POLN: variants seen among roughly 807,000 people sequenced by gnomAD.
The protein encoded by POLN is DNA polymerase N.
Under a neutral mutation model 113.5 loss-of-function variants are expected in POLN, and 108 were observed. The ratio of observed to expected loss-of-function variants is 0.95; its 90% CI spans 0.81 to 1.12. POLN has a LOEUF of 1.12. POLN is among the 50% of genes most tolerant of loss of function. The pLI, the probability that POLN is intolerant of heterozygous loss-of-function variation, is 0.00. For missense variants in POLN, 1,097 were observed against 1,077.1 expected, an observed-to-expected ratio of 1.02 and a Z score of -0.26; for synonymous variants, 386 against 391.5, an observed-to-expected ratio of 0.99 and a Z score of 0.17.
chr4:2,130,008 C>T (rs1337122059), intron 17 of POLN, among the ~76,000 whole-genome samples: 1 of 151,782 alleles, frequency 6.6e-6, no homozygotes, highest in African/African-American at 2.4e-5. Flanking sequence ...AATCCCAGCA[C>T]TTTGAGAGGC....
intron 20 of POLN, among the ~76,000 whole-genome samples, chr4:2,092,841 G>A (rs1730700002): frequency 6.6e-6 from 1 of 152,368 alleles, no homozygotes; most frequent in Middle Eastern, 3.4e-3. Flanking sequence ...CTGGCAAGTT[G>A]ACTGGCTTCC....
intron 3 of POLN, among the ~76,000 whole-genome samples, chr4:2,223,734 A>G (rs994530348): frequency 6.6e-6 from 1 of 152,234 alleles, no homozygotes; most frequent in African/African-American, 2.4e-5. Flanking sequence ...CTGTAACACA[A>G]CAGTAAGTAT....
Position 2,126,742 on chromosome 4 carries a change from G to A in POLN, c.1982+1371C>T, listed in dbSNP as rs1222219452. ...GATGAGGTAGGGGAGGGAGACACAC[G>A]GACATTCGGGGAAAGAGCTTCCTGA... On this transcript the variant is annotated intron_variant, in intron 19 of 25. Transcript: ENST00000511885. The surrounding 1 kb of genome is among the most constrained non-coding windows in gnomAD (Gnocchi z 4.6). Among the ~76,000 whole-genome samples, 3 of 152,128 alleles carry A rather than the reference G, an allele frequency of 2.0e-5. No homozygotes were observed. The highest frequency in any genetic ancestry group is 6.5e-5 in the Admixed American group (1 of 15,274).
At chr4:2,238,611 T>C (rs753727155) in intron 2 of POLN, 3 of 1,579,026 alleles carry the variant, frequency 1.9e-6, no homozygotes, top group South Asian at 2.3e-5. Context: ...TACCTATGAG[T>C]AGAATAATCC....
At chr4:2,225,700 T>TA (rs909310951) in intron 3 of POLN, among the ~76,000 whole-genome samples, 6 of 149,960 alleles carry the variant, frequency 4.0e-5, no homozygotes, top group African/African-American at 9.8e-5. Flanking sequence ...TTTATAATAC[T>TA]AAAAAAAAAT....
At chr4:2,233,424 G>T (rs141077701) in intron 2 of POLN, among the ~76,000 whole-genome samples, 2 of 144,766 alleles carry the variant, frequency 1.4e-5, no homozygotes, top group Non-Finnish European at 3.0e-5. Flanking sequence ...ATATTTTAGT[G>T]ATTCTTGGAT....
rs184431090 is a variant in POLN, at chr4:2,237,402, C to T, written c.-13+4118G>A. ...AGTGAGCTATCATCACATCACTGCA[C>T]TCCTACCTAGGCAAGAGAGTGAGAC... On this transcript the variant is annotated intron_variant, in intron 2 of 25. Transcript: ENST00000511885. Among the ~76,000 whole-genome samples the T allele has an allele frequency of 6.7e-4, 101 of 151,232 alleles. 1 individual carries two copies. The highest frequency in any genetic ancestry group is 6.8e-3 in the Middle Eastern group (2 of 292).
intron 11 of POLN, among the ~76,000 whole-genome samples, chr4:2,171,455 G>T (rs1732859855): frequency 6.6e-6 from 1 of 151,658 alleles, no homozygotes; most frequent in African/African-American, 2.4e-5. Flanking sequence ...TAGCTGCTTG[G>T]GAGGCTGAGG....
intron 19 of POLN, among the ~76,000 whole-genome samples, chr4:2,098,411 CCTGT>C (rs1180483486): frequency 2.6e-5 from 4 of 151,988 alleles, no homozygotes; most frequent in Admixed American, 2.6e-4. Context: ...AGAGTAAGAC[CCTGT>C]CTAAGTGAAT....
intron 3 of POLN, among the ~76,000 whole-genome samples, chr4:2,215,026 C>A (rs1225098619): frequency 6.6e-6 from 1 of 151,894 alleles, no homozygotes; most frequent in Non-Finnish European, 1.5e-5. Flanking sequence ...TAATCTCTAA[C>A]CAAATAATCT....
At chr4:2,210,040 T>C (rs1733954008) in intron 4 of POLN, among the ~76,000 whole-genome samples, 1 of 150,036 alleles carries the variant, frequency 6.7e-6, no homozygotes, top group Non-Finnish European at 1.5e-5. Flanking sequence ...TGAATAACTA[T>C]ATTAACATTA....
At chr4:2,189,080 T>TAC (rs1373428991) in intron 7 of POLN, among the ~76,000 whole-genome samples, 34 of 152,122 alleles carry the variant, frequency 2.2e-4, no homozygotes, top group African/African-American at 7.0e-4. Context: ...CTATAATAAA[T>TAC]ACACACACAC....
intron 16 of POLN, 197 bp downstream of exon 16, chr4:2,156,591 A>T: frequency 1.5e-6 from 1 of 654,898 alleles, no homozygotes; most frequent in South Asian, 1.6e-5. Context: ...TTGCTAACTC[A>T]GCACTTCATG....
At chr4:2,089,811 T>C (rs1283588746) in intron 20 of POLN, 4 of 818,758 alleles carry the variant, frequency 4.9e-6, no homozygotes, top group South Asian at 4.7e-5. Context: ...CACATTCAGA[T>C]GGATGAAGTC....
intron 12 of POLN, among the ~76,000 whole-genome samples, 157 bp downstream of exon 12, chr4:2,170,941 G>A (rs762469894): frequency 3.2e-4 from 49 of 152,180 alleles, no homozygotes; most frequent in Non-Finnish European, 5.9e-4. Flanking sequence ...AGGCTTTGAA[G>A]TAATGAATCT....
chr4:2,179,509 A>T, intron 7 of POLN, 44 bp from the exon 8 acceptor site: 1 of 1,586,368 alleles, frequency 6.3e-7, no homozygotes, highest in Non-Finnish European at 8.6e-7. Context: ...AAAAACCAAT[A>T]GTTGTTTTTC....
At chr4:2,179,266 G>A (rs1036303623) in intron 8 of POLN, 42 bp downstream of exon 8, 5 of 1,524,256 alleles carry the variant, frequency 3.3e-6, no homozygotes, top group Non-Finnish European at 4.4e-6. Context: ...AGAAAAAATA[G>A]GATGTATTAA....
chr4:2,210,611 A>G (rs1733965787), intron 4 of POLN, among the ~76,000 whole-genome samples: 1 of 135,264 alleles, frequency 7.4e-6, no homozygotes, highest in African/African-American at 3.0e-5. Context: ...AATAATAATA[A>G]TAATAATAAT....
At chr4:2,196,773 T>C (rs1196657108) in intron 6 of POLN, among the ~76,000 whole-genome samples, 1 of 152,172 alleles carries the variant, frequency 6.6e-6, no homozygotes, top group East Asian at 1.9e-4. Flanking sequence ...CCTTTGATAA[T>C]GTTGGCCTGG....
Sources: allele counts gnomAD v4.1 joint callset (sites outside exome capture counted in the v4.1 genomes callset), GRCh38; gene constraint gnomAD v4.1.1; non-coding constraint Gnocchi (gnomAD v3.1); transcripts MANE v1.5; gene names NCBI Gene and HGNC (gene_info 2026-07-23, HGNC 2026-07-21).